The following HDAC9 variants were observed in gnomAD, a reference collection of about 807,000 sequenced individuals.
HDAC9 encodes the protein MEF-2 interacting transcription repressor (MITR) protein.
Under a neutral mutation model 139.4 loss-of-function variants are expected in HDAC9, and 41 were observed. The observed-to-expected ratio is 0.29, with a 90% confidence interval of 0.23 to 0.38. The LOEUF is 0.38. Ranked by LOEUF, HDAC9 falls within the 10% of genes least tolerant of loss-of-function variation. The pLI is 1.00. For missense variants in HDAC9, 1,147 were observed against 1,297.0 expected, an observed-to-expected ratio of 0.88 and a Z score of 1.78; for synonymous variants, 517 against 476.2, an observed-to-expected ratio of 1.09 and a Z score of -1.12.
At chr7:18,550,112 A>G (rs996482685) in intron 2 of HDAC9, among the ~76,000 whole-genome samples, 11 of 152,142 alleles carry the variant, frequency 7.2e-5, no homozygotes, top group African/African-American at 2.7e-4. Context: ...AGAAGTGCAG[A>G]TCATTTCATA....
intron 2 of HDAC9, chr7:18,162,571 G>A (rs1787707756): frequency 5.4e-6 from 3 of 553,404 alleles, no homozygotes; most frequent in East Asian, 3.1e-5. Context: ...TGTAGTCTGA[G>A]CATGGGACTT....
chr7:18,116,246 T>C (rs1445060839), intron 1 of HDAC9, among the ~76,000 whole-genome samples: 1 of 152,194 alleles, frequency 6.6e-6, no homozygotes, highest in Non-Finnish European at 1.5e-5. Context: ...GAAATAAATT[T>C]ATATTAGAAA....
At chr7:18,674,828 A>G (rs938511856) in intron 12 of HDAC9, among the ~76,000 whole-genome samples, 4 of 151,786 alleles carry the variant, frequency 2.6e-5, no homozygotes, top group Non-Finnish European at 5.9e-5. Flanking sequence ...AATAGCTACT[A>G]TTTTTCATTT....
intron 1 of HDAC9, among the ~76,000 whole-genome samples, chr7:18,301,019 T>G (rs1798504640): frequency 1.3e-5 from 2 of 152,186 alleles, no homozygotes; most frequent in South Asian, 4.1e-4. Context: ...ATTAATTTGT[T>G]TCTTCAAAAC....
chr7:18,835,339 G>A, intron 19 of HDAC9, 128 bp from the exon 20 acceptor site: 2 of 1,027,506 alleles, frequency 1.9e-6, no homozygotes, highest in Non-Finnish European at 2.8e-6. Flanking sequence ...AAGAAAAGAG[G>A]AACGTAGTGA....
At position 18,252,318 on chromosome 7, in the gene HDAC9, G is replaced by A. The variant is rs1159276676; in HGVS notation, c.25+89969G>A. ...TACAGGCAGATTGTCTGAAAGCAGAGAGCATATCAACCTTCTCCTCTCTTC... is the reference window on the plus strand; with the variant it reads ...TACAGGCAGATTGTCTGAAAGCAGAAAGCATATCAACCTTCTCCTCTCTTC... On this transcript the variant is annotated intron_variant, in intron 2 of 12. Transcript: ENST00000417496. Among the ~76,000 whole-genome samples the A allele has an allele frequency of 2.0e-5, 3 of 152,198 alleles. No individual in the cohort carries two copies. The East Asian group carries it at 5.8e-4, about 29-fold the overall frequency.
intron 13 of HDAC9, among the ~76,000 whole-genome samples, chr7:18,731,216 A>G (rs1396873691): frequency 6.6e-6 from 1 of 152,142 alleles, no homozygotes; most frequent in African/African-American, 2.4e-5. Flanking sequence ...GAAACTGCAG[A>G]TGGGGGAGGG....
intron 1 of HDAC9, among the ~76,000 whole-genome samples, chr7:18,484,308 C>G (rs1054198409): frequency 6.6e-6 from 1 of 150,838 alleles, no homozygotes; most frequent in African/African-American, 2.4e-5. Flanking sequence ...TGCACTACAC[C>G]TGGGTGACAG....
intron 16 of HDAC9, among the ~76,000 whole-genome samples, chr7:18,792,373 C>T (rs1792399481): frequency 6.6e-6 from 1 of 151,056 alleles, no homozygotes; most frequent in Admixed American, 6.6e-5. Context: ...TTTCCTGGTG[C>T]TTCAAATAAC....
intron 2 of HDAC9, among the ~76,000 whole-genome samples, chr7:18,583,998 C>G (rs1482357760): frequency 6.6e-6 from 1 of 152,102 alleles, no homozygotes; most frequent in Non-Finnish European, 1.5e-5. Flanking sequence ...AAGGGTCATA[C>G]TCAAAATATT....
chr7:18,965,481 C>T (rs763700412), intron 24 of HDAC9, among the ~76,000 whole-genome samples: 1 of 152,176 alleles, frequency 6.6e-6, no homozygotes, highest in Non-Finnish European at 1.5e-5. Flanking sequence ...CTACCAGAAA[C>T]AGATCCTGAT....
At chr7:18,334,185 C>T (rs1022888647) in intron 1 of HDAC9, among the ~76,000 whole-genome samples, 2 of 151,388 alleles carry the variant, frequency 1.3e-5, no homozygotes, top group African/African-American at 4.8e-5. Context: ...AGGTCTCATA[C>T]TCCTGAATCT....
At chr7:18,432,475 C>T (rs1417111657) in intron 1 of HDAC9, among the ~76,000 whole-genome samples, 2 of 152,166 alleles carry the variant, frequency 1.3e-5, no homozygotes, top group Non-Finnish European at 1.5e-5. Flanking sequence ...TAAAAATGGA[C>T]ATAGATTTCT....
At chr7:18,496,436 T>C in intron 2 of HDAC9, 112 bp downstream of exon 2, 1 of 903,182 alleles carries the variant, frequency 1.1e-6, no homozygotes, top group Non-Finnish European at 1.8e-6. Flanking sequence ...TTCGTGTTGA[T>C]GTTGCTATTT....
chr7:18,879,226 C>T (rs548408359), intron 22 of HDAC9, among the ~76,000 whole-genome samples: 5 of 152,182 alleles, frequency 3.3e-5, no homozygotes, highest in South Asian at 2.1e-4. Flanking sequence ...TTAAAATGGC[C>T]GCACTGCCCA....
chr7:18,141,402 G>C (rs1327670316), intron 1 of HDAC9, among the ~76,000 whole-genome samples: 2 of 152,112 alleles, frequency 1.3e-5, no homozygotes, highest in Non-Finnish European at 2.9e-5. Flanking sequence ...ACCCATCAGA[G>C]CCTATAGGCA....
intron 21 of HDAC9, among the ~76,000 whole-genome samples, chr7:18,860,596 T>A (rs1337946374): frequency 6.6e-6 from 1 of 152,114 alleles, no homozygotes; most frequent in Admixed American, 6.6e-5. Flanking sequence ...TTTTTCTCAA[T>A]GTCTTAAACT....
chr7:18,637,670 T>G (rs1784319754), intron 8 of HDAC9, among the ~76,000 whole-genome samples: 1 of 152,076 alleles, frequency 6.6e-6, no homozygotes, highest in Non-Finnish European at 1.5e-5. Flanking sequence ...ATTAATTGTG[T>G]GCCTGAACTA....
chr7:18,788,975 A>T (rs1366237982), intron 16 of HDAC9, among the ~76,000 whole-genome samples: 1 of 151,984 alleles, frequency 6.6e-6, no homozygotes, highest in African/African-American at 2.4e-5. Context: ...TATGTACCCT[A>T]ATCAACAAGC....
Sources: allele counts gnomAD v4.1 joint callset (sites outside exome capture counted in the v4.1 genomes callset), GRCh38; gene constraint gnomAD v4.1.1; transcripts MANE v1.5; gene names NCBI Gene and HGNC (gene_info 2026-07-23, HGNC 2026-07-21).